The following IQGAP2 variants were observed in gnomAD, a reference collection of about 807,000 sequenced individuals.
The protein encoded by IQGAP2 is IQ motif containing GTPase activating protein 2.
Under a neutral mutation model 201.3 loss-of-function variants are expected in IQGAP2, and 173 were observed. The ratio of observed to expected loss-of-function variants is 0.86; its 90% CI spans 0.76 to 0.98. IQGAP2 has a LOEUF of 0.98. IQGAP2 is among the 50% of genes least tolerant of loss of function. IQGAP2 has a pLI of 0.00. For synonymous variants in IQGAP2, 675 were observed against 673.9 expected (o/e 1.00, Z -0.03); for missense variants, 1,687 against 1,864.8 (o/e 0.90, Z 1.76).
chr5:76,700,323 G>A (rs555481007), intron 33 of IQGAP2, among the ~76,000 whole-genome samples: 3 of 152,106 alleles, frequency 2.0e-5, no homozygotes, highest in South Asian at 2.1e-4. Context: ...CTTGGCTGAC[G>A]TGGCGAAACT....
chr5:76,546,703 G>T (rs1449044166), intron 2 of IQGAP2, among the ~76,000 whole-genome samples: 1 of 152,194 alleles, frequency 6.6e-6, no homozygotes, highest in African/African-American at 2.4e-5. Flanking sequence ...TAACTCATTG[G>T]TGGGCAACAC....
intron 2 of IQGAP2, among the ~76,000 whole-genome samples, chr5:76,550,810 T>C (rs1163487295): frequency 5.3e-5 from 8 of 151,610 alleles, no homozygotes; most frequent in South Asian, 2.1e-4. Context: ...ATTTCCCCCT[T>C]TTCTATTTGA....
chr5:76,644,679 C>G (rs1751887451), intron 17 of IQGAP2, among the ~76,000 whole-genome samples: 1 of 152,052 alleles, frequency 6.6e-6, no homozygotes, highest in Admixed American at 6.6e-5. Flanking sequence ...TAAACAGCCT[C>G]TAATTAGAGA....
intron 35 of IQGAP2, among the ~76,000 whole-genome samples, chr5:76,704,040 G>C (rs1747663410): frequency 6.6e-6 from 1 of 152,216 alleles, no homozygotes; most frequent in Non-Finnish European, 1.5e-5. Context: ...TGAGATAATG[G>C]AGTAAATTAG....
At chr5:76,428,678 C>G (rs1752154526) in intron 1 of IQGAP2, among the ~76,000 whole-genome samples, 1 of 151,354 alleles carries the variant, frequency 6.6e-6, no homozygotes, top group Non-Finnish European at 1.5e-5. Flanking sequence ...AGTGATCCAC[C>G]CGTCTCAGCC....
intron 30 of IQGAP2, among the ~76,000 whole-genome samples, chr5:76,685,024 T>C (rs1038445207): frequency 1.3e-5 from 2 of 152,178 alleles, no homozygotes; most frequent in African/African-American, 4.8e-5. Flanking sequence ...GGCTTGAGGC[T>C]GGGATACAAC....
chr5:76,438,218 G>A (rs1291954262), intron 1 of IQGAP2, among the ~76,000 whole-genome samples: 1 of 151,710 alleles, frequency 6.6e-6, no homozygotes, highest in Non-Finnish European at 1.5e-5. Context: ...CTGGCCCTGG[G>A]CTCTTTTTTC....
chr5:76,591,013 C>G (rs538302918), intron 8 of IQGAP2, among the ~76,000 whole-genome samples: 3 of 152,310 alleles, frequency 2.0e-5, no homozygotes, highest in African/African-American at 7.2e-5. Flanking sequence ...AGGAGAATCA[C>G]TTGAGCCTGG....
intron 28 of IQGAP2, among the ~76,000 whole-genome samples, chr5:76,678,982 A>G (rs924118492): frequency 1.6e-4 from 25 of 152,200 alleles, no homozygotes; most frequent in African/African-American, 5.8e-4. Context: ...TTTTCTCTAT[A>G]TATGAACACC....
chr5:76,534,565 ATTC>A (rs945595246), intron 2 of IQGAP2, among the ~76,000 whole-genome samples: 12 of 152,340 alleles, frequency 7.9e-5, no homozygotes, highest in Admixed American at 5.2e-4. Context: ...AACATGAGAT[ATTC>A]TTTTTTTAAA....
intron 1 of IQGAP2, among the ~76,000 whole-genome samples, chr5:76,407,192 G>A (rs1269628171): frequency 6.6e-6 from 1 of 151,964 alleles, no homozygotes; most frequent in Non-Finnish European, 1.5e-5. Context: ...TGTTGCCCAG[G>A]CTGAGCTCAA....
intron 2 of IQGAP2, among the ~76,000 whole-genome samples, chr5:76,552,074 G>A (rs1743594329): frequency 1.3e-5 from 2 of 152,214 alleles, no homozygotes; most frequent in Non-Finnish European, 1.5e-5. Context: ...TCGTTGTGGG[G>A]TGAGAGTAGT....
intron 31 of IQGAP2, 58 bp downstream of exon 31, chr5:76,693,500 CT>C: frequency 9.1e-7 from 1 of 1,099,242 alleles, no homozygotes; most frequent in Non-Finnish European, 1.4e-6. Context: ...CTTCATAAAT[CT>C]TTATGCCATA....
intron 2 of IQGAP2, among the ~76,000 whole-genome samples, chr5:76,487,203 G>A (rs1285581684): frequency 6.6e-6 from 1 of 151,392 alleles, no homozygotes; most frequent in Non-Finnish European, 1.5e-5. Context: ...GGTTCAAGCA[G>A]TTTTCCTGCC....
At chr5:76,416,554 C>T (rs896787126) in intron 1 of IQGAP2, among the ~76,000 whole-genome samples, 2 of 145,138 alleles carry the variant, frequency 1.4e-5, no homozygotes, top group African/African-American at 5.7e-5. Context: ...GAGACGGAGT[C>T]TCACTCTGTC....
At chr5:76,680,431 A>T (rs1408426260) in intron 28 of IQGAP2, among the ~76,000 whole-genome samples, 1 of 152,218 alleles carries the variant, frequency 6.6e-6, no homozygotes, top group East Asian at 1.9e-4. Context: ...ATTAGGCAGT[A>T]GTTTCTTAGA....
intron 2 of IQGAP2, among the ~76,000 whole-genome samples, chr5:76,493,000 G>A (rs563490024): frequency 3.4e-4 from 51 of 152,142 alleles, no homozygotes; most frequent in Non-Finnish European, 6.8e-4. Context: ...GTGGATTGCA[G>A]ATCTGGGCTT....
chr5:76,602,983 C>T lies in IQGAP2; in HGVS notation c.1232+2011C>T, dbSNP rs763435548. On this transcript the variant is annotated intron_variant, in intron 11 of 35. Transcript: ENST00000274364. ...TGTATGGGTTAACATTAGCCTTGGGCATACACTGTTCCCAGATTAACTGTT... is the reference window on the plus strand; with the variant it reads ...TGTATGGGTTAACATTAGCCTTGGGTATACACTGTTCCCAGATTAACTGTT... 2.0e-5 allele frequency among the ~76,000 whole-genome samples: 3 copies of T among 152,342 alleles called. 1 individual carries two copies. Among genetic ancestry groups the T allele is most frequent in the Middle Eastern group, 6.8e-3 (2 of 294 alleles).
At chr5:76,671,465 C>A (rs956656091) in intron 23 of IQGAP2, among the ~76,000 whole-genome samples, 2 of 151,316 alleles carry the variant, frequency 1.3e-5, no homozygotes, top group Admixed American at 1.3e-4. Flanking sequence ...AGGTGGATCA[C>A]CTGAGATCAG....
Sources: allele counts gnomAD v4.1 joint callset (sites outside exome capture counted in the v4.1 genomes callset), GRCh38; gene constraint gnomAD v4.1.1; transcripts MANE v1.5; gene names NCBI Gene and HGNC (gene_info 2026-07-23, HGNC 2026-07-21).